Variants in NOS1 observed in about 807,000 individuals in gnomAD.
The protein encoded by NOS1 is nitric oxide synthase 1, also known as NOS type I.
In NOS1, 51 loss-of-function variants were observed where a neutral mutation model predicts 164.5. The ratio of observed to expected loss-of-function variants is 0.31; its 90% CI spans 0.25 to 0.39. The LOEUF is 0.39. Ranked by LOEUF, NOS1 falls within the 10% of genes least tolerant of loss-of-function variation. NOS1 has a pLI of 1.00. For missense variants in NOS1, 1,362 were observed against 1,885.6 expected (o/e 0.72, Z 5.14); for synonymous variants, 719 against 745.8 (o/e 0.96, Z 0.59).
intron 3 of NOS1, among the ~76,000 whole-genome samples, chr12:117,297,806 C>G (rs1021030458): frequency 2.0e-5 from 3 of 152,060 alleles, no homozygotes; most frequent in African/African-American, 7.2e-5. Flanking sequence ...CTCAGAACAC[C>G]AAGACACAGA....
In NOS1 at chr12:117,291,529, C is replaced by CTTT. The variant is rs565345654; in HGVS notation, c.853-1106_853-1104dup. Among the ~76,000 whole-genome samples the CTTT allele has an allele frequency of 7.9e-4, 77 of 97,372 alleles. 4 individuals carry two copies. Among genetic ancestry groups the CTTT allele is most frequent in the East Asian group, 3.5e-3 (10 of 2,842 alleles). 63.9% of individuals were successfully genotyped at this position (97,372 alleles called of 152,430 possible). ...CCTCACTGATAAGGATTACATCTGT[C>CTTT]TTTTTTTTTTTTTTTTTTTTTTGAG... On this transcript the variant is annotated intron_variant, in intron 3 of 28. Transcript: ENST00000317775.
intron 13 of NOS1, among the ~76,000 whole-genome samples, chr12:117,262,102 G>A (rs1490099045): frequency 1.3e-5 from 2 of 152,130 alleles, no homozygotes; most frequent in Non-Finnish European, 2.9e-5. Flanking sequence ...CAGGGAAACC[G>A]CCCACGATGC....
At chr12:117,231,367 G>A (rs564131570) in intron 22 of NOS1, among the ~76,000 whole-genome samples, 5 of 151,836 alleles carry the variant, frequency 3.3e-5, no homozygotes, top group Admixed American at 2.6e-4. Context: ...TCTAGACAAG[G>A]TGACTATAGT....
intron 3 of NOS1, chr12:117,309,337 T>C (rs1301357459): frequency 1.0e-6 from 1 of 984,354 alleles, no homozygotes; most frequent in Non-Finnish European, 1.2e-6. Context: ...CTGATGTCCT[T>C]ATCTTCCTGG....
intron 1 of NOS1, among the ~76,000 whole-genome samples, chr12:117,350,403 C>T (rs557705766): frequency 9.2e-5 from 14 of 152,292 alleles, no homozygotes; most frequent in African/African-American, 3.1e-4. Flanking sequence ...CACACCTCCT[C>T]AATTAACTGG....
At chr12:117,306,513 T>C (rs1277785301) in intron 3 of NOS1, among the ~76,000 whole-genome samples, 2 of 152,092 alleles carry the variant, frequency 1.3e-5, no homozygotes, top group Non-Finnish European at 2.9e-5. Flanking sequence ...CCTTTGATGA[T>C]GTCAAAACTC....
chr12:117,333,633 T>A (rs1875657419), intron 1 of NOS1, among the ~76,000 whole-genome samples: 1 of 152,258 alleles, frequency 6.6e-6, no homozygotes, highest in South Asian at 2.1e-4. Flanking sequence ...AAATAATGAA[T>A]CCCCGGGCTC....
chr12:117,337,106 CTTTT>C (rs36054002), intron 1 of NOS1, among the ~76,000 whole-genome samples: 349 of 64,268 alleles, frequency 5.4e-3, no homozygotes, highest in African/African-American at 0.023. Context: ...GCTTTTTACT[CTTTT>C]TTTTTTTTTT....
chr12:117,214,545 A>G lies in NOS1; in HGVS notation c.*764T>C, dbSNP rs187527080. On this transcript the variant is annotated 3_prime_UTR_variant, in exon 29 of 29. Transcript: ENST00000317775. ...TCACATGAGGGCTCTGCTCACTGGT[A>G]TCAAAATCTAAATGCAGCAAATTCT... The G allele has an allele frequency of 3.4e-4, 331 of 985,448 alleles. No individual in the cohort carries two copies. Among genetic ancestry groups the G allele is most frequent in the Non-Finnish European group, 3.8e-4 (318 of 829,970 alleles). The allele number at this position is 985,448 out of a possible 1,614,324, so 61.0% of individuals were successfully genotyped here. A position where few individuals can be genotyped will look rare whatever the true frequency, so the allele number is the denominator to read the frequency against.
intron 3 of NOS1, among the ~76,000 whole-genome samples, chr12:117,308,238 T>A (rs1250981793): frequency 6.6e-6 from 1 of 151,868 alleles, no homozygotes; most frequent in Admixed American, 6.6e-5. Flanking sequence ...TTGGCTGCAG[T>A]GACTCACACC....
intron 16 of NOS1, among the ~76,000 whole-genome samples, chr12:117,254,655 G>A (rs1871308396): frequency 6.6e-6 from 1 of 151,618 alleles, no homozygotes; most frequent in South Asian, 2.1e-4. Flanking sequence ...AATGTGGTTG[G>A]TACACTGCAA....
chr12:117,245,183 A>G lies in NOS1; in HGVS notation c.2824-1748T>C, dbSNP rs199758292. On this transcript the variant is annotated intron_variant, in intron 18 of 28. Transcript: ENST00000317775. ...CAGGATGAAAAGCGCCAACTGAATG[A>G]CAGAAGGTTGCATAGTACCCTTTCC... 1.2e-4 allele frequency among the ~76,000 whole-genome samples: 18 copies of G among 152,286 alleles called. No individual in the cohort carries two copies. The East Asian group carries it at 3.1e-3, about 26-fold the overall frequency.
At position 117,214,626 on chromosome 12, in the gene NOS1, C is replaced by T; in HGVS notation, c.*683G>A. On this transcript the variant is annotated 3_prime_UTR_variant, in exon 29 of 29. Transcript: ENST00000317775. ...CTTTAATCAATTTCCCACTCCTCTC[C>T]CCATGCCCTGAACCCTTTCTAACTA... 2 of 985,418 alleles carry T rather than the reference C, an allele frequency of 2.0e-6. No individual in the cohort carries two copies. Among genetic ancestry groups the T allele is most frequent in the Non-Finnish European group, 2.4e-6 (2 of 829,962 alleles). The allele number at this position is 985,418 out of a possible 1,614,324, so 61.0% of individuals were successfully genotyped here. A position where few individuals can be genotyped will look rare whatever the true frequency, so the allele number is the denominator to read the frequency against.
intron 2 of NOS1, among the ~76,000 whole-genome samples, chr12:117,324,898 G>A (rs553899209): frequency 1.6e-3 from 245 of 152,280 alleles, no homozygotes; most frequent in Non-Finnish European, 2.1e-3. Flanking sequence ...CTCCTCCCAC[G>A]TAAGTGCCAC....
chr12:117,242,368 C>T (rs1870248899), intron 20 of NOS1, among the ~76,000 whole-genome samples: 1 of 152,208 alleles, frequency 6.6e-6, no homozygotes, highest in African/African-American at 2.4e-5. Context: ...GTGTGGTCTA[C>T]TGTTAAAAAT....
Position 117,214,852 on chromosome 12 carries a change from C to CAT in NOS1, c.*456_*457insAT. The CAT allele has an allele frequency of 2.0e-6, 2 of 986,250 alleles. No homozygotes were observed. Among genetic ancestry groups the CAT allele is most frequent in the South Asian group, 9.4e-5 (2 of 21,266 alleles). The allele number at this position is 986,250 out of a possible 1,614,324, so 61.1% of individuals were successfully genotyped here. A position where few individuals can be genotyped will look rare whatever the true frequency, so the allele number is the denominator to read the frequency against. On this transcript the variant is annotated 3_prime_UTR_variant, in exon 29 of 29. Transcript: ENST00000317775. Reference sequence around the variant, plus strand: ...GGCCCATCACACACACACACACACACACACACACACACACAGGCACGCACA... The same window carrying CAT: ...GGCCCATCACACACACACACACACACATACACACACACACACAGGCACGCACA...
intron 10 of NOS1, among the ~76,000 whole-genome samples, chr12:117,269,464 G>GT (rs1164630635): frequency 0.027 from 3,224 of 118,284 alleles, 265 homozygotes; most frequent in East Asian, 0.14. Context: ...CTGGAGATTT[G>GT]TTTTTTTTTT....
At chr12:117,317,553 T>A (rs1874722987) in intron 2 of NOS1, among the ~76,000 whole-genome samples, 1 of 151,570 alleles carries the variant, frequency 6.6e-6, no homozygotes, top group South Asian at 2.1e-4. Context: ...CTCCTAACCA[T>A]TGAGAGGCAC....
chr12:117,286,534 C>T (rs977916916), intron 5 of NOS1, among the ~76,000 whole-genome samples: 3 of 152,116 alleles, frequency 2.0e-5, no homozygotes, highest in Non-Finnish European at 2.9e-5. Flanking sequence ...CGGGCAGCCA[C>T]GGCTCCACTC....
Sources: gnomAD v4.1 joint callset for allele counts (sites outside exome capture counted in the v4.1 genomes callset) on GRCh38, gnomAD v4.1.1 for gene constraint, MANE v1.5 for transcripts, NCBI Gene and HGNC (gene_info 2026-07-23, HGNC 2026-07-21) for gene names.